Variants in RNF138 observed in about 807,000 individuals in gnomAD.
The protein encoded by RNF138 is ring finger protein 138, also known as E3 ubiquitin-protein ligase RNF138.
A neutral mutation model predicts 31.0 loss-of-function variants in RNF138; 12 were observed. The ratio of observed to expected loss-of-function variants is 0.39; its 90% CI spans 0.25 to 0.63. RNF138 has a LOEUF of 0.63. Ranked by LOEUF, RNF138 falls within the 20% of genes least tolerant of loss-of-function variation. The pLI is 0.52. For synonymous variants in RNF138, 105 were observed against 99.5 expected, an observed-to-expected ratio of 1.06 and a Z score of -0.33; for missense variants, 192 against 300.1, an observed-to-expected ratio of 0.64 and a Z score of 2.66.
chr18:32,098,815 T>G (rs1019714803), intron 2 of RNF138, among the ~76,000 whole-genome samples: 4 of 145,100 alleles, frequency 2.8e-5, no homozygotes, highest in Non-Finnish European at 6.0e-5. Flanking sequence ...ATGGTGCCAC[T>G]GCACTCCAGC....
At chr18:32,108,279 C>T (rs2040070026) in intron 2 of RNF138, among the ~76,000 whole-genome samples, 1 of 152,166 alleles carries the variant, frequency 6.6e-6, no homozygotes, top group Non-Finnish European at 1.5e-5. Flanking sequence ...CTATGTCAAG[C>T]AACAGATTAT....
chr18:32,128,689 A>C (rs2040423647), intron 7 of RNF138, among the ~76,000 whole-genome samples: 1 of 151,932 alleles, frequency 6.6e-6, no homozygotes, highest in Admixed American at 6.6e-5. Flanking sequence ...TTTTATTTTT[A>C]TTTTTTAAAG....
At chr18:32,127,926 A>G (rs2040408199) in intron 7 of RNF138, among the ~76,000 whole-genome samples, 1 of 152,160 alleles carries the variant, frequency 6.6e-6, no homozygotes. Flanking sequence ...TAAAAATACA[A>G]AAAGTTAGCC....
At chr18:32,111,152 C>T (rs16962691) in intron 2 of RNF138, among the ~76,000 whole-genome samples, 2,329 of 152,292 alleles carry the variant, frequency 0.015, 62 homozygotes, top group African/African-American at 0.053. Flanking sequence ...TCCCTACTTC[C>T]GGACCAAATA....
At chr18:32,098,671 T>C (rs1037240311) in intron 2 of RNF138, among the ~76,000 whole-genome samples, 9 of 151,836 alleles carry the variant, frequency 5.9e-5, no homozygotes, top group African/African-American at 2.2e-4. Flanking sequence ...GCTAACACAG[T>C]GAAACCCTGT....
chr18:32,117,444 G>T (rs1403287264), intron 4 of RNF138, among the ~76,000 whole-genome samples: 1 of 152,112 alleles, frequency 6.6e-6, no homozygotes, highest in Non-Finnish European at 1.5e-5. Context: ...ACCTGAAGAA[G>T]AGAGCTGAAT....
At chr18:32,111,569 C>T (rs2040130936) in intron 2 of RNF138, among the ~76,000 whole-genome samples, 185 bp from the exon 3 acceptor site, 1 of 152,080 alleles carries the variant, frequency 6.6e-6, no homozygotes, top group Non-Finnish European at 1.5e-5. Context: ...CCCATCTAGT[C>T]CAGTTATCAG....
At chr18:32,110,717 G>A (rs1318130530) in intron 2 of RNF138, among the ~76,000 whole-genome samples, 1 of 152,124 alleles carries the variant, frequency 6.6e-6, no homozygotes, top group African/African-American at 2.4e-5. Flanking sequence ...AAGGTATTTG[G>A]TGGGGCTAGA....
rs766714253 is a variant in RNF138, at chr18:32,111,887, T to C, written c.244T>C (p.Phe82Leu). Residue 82 changes from phenylalanine (F) to leucine (L), a missense_variant, in exon 3 of 8, where the codon TTT becomes CTT. By Grantham distance (22) the Phe-to-Leu change is conservative. Around this residue, in one of 2 missense-constraint regions of RNF138, gnomAD observed 140 missense variants for 251.7 expected, o/e 0.56. Transcript: ENST00000261593. ...ALDLENIMRK[F>L]SGSCRCCAKQ... ...AGACCTTGAAAATATAATGAGGAAG[T>C]TTTCTGGTAGCTGCAGATGCTGTGC... The C allele has an allele frequency of 6.8e-6, 11 of 1,612,956 alleles. No individual in the cohort carries two copies. In the South Asian group the frequency reaches 1.2e-4, roughly 18 times the overall value.
chr18:32,121,133 CA>C (rs200622689), intron 4 of RNF138, among the ~76,000 whole-genome samples: 3 of 76,384 alleles, frequency 3.9e-5, no homozygotes, highest in Non-Finnish European at 7.9e-5. Flanking sequence ...GAGACTGTCT[CA>C]AAAAAAAACA....
intron 2 of RNF138, among the ~76,000 whole-genome samples, chr18:32,097,703 A>G (rs994036462): frequency 6.6e-6 from 1 of 151,884 alleles, no homozygotes; most frequent in East Asian, 1.9e-4. Flanking sequence ...TTGTATTTTT[A>G]GTAGAGATGA....
At chr18:32,125,791 A>G (rs1006115489) in intron 6 of RNF138, among the ~76,000 whole-genome samples, 11 of 152,122 alleles carry the variant, frequency 7.2e-5, no homozygotes, top group African/African-American at 2.6e-4. Flanking sequence ...AATAAAAAGA[A>G]TATGCTTCAA....
Position 32,096,185 on chromosome 18 carries a change from C to T in RNF138, c.110+3299C>T, listed in dbSNP as rs113092348. Among the ~76,000 whole-genome samples the T allele has an allele frequency of 1.6e-3, 250 of 152,272 alleles. 2 individuals carry two copies. The highest frequency in any genetic ancestry group is 5.9e-3 in the African/African-American group (245 of 41,532). ...AGATAACCTAATGAATAATACTAGACCTAGTAAATAATTTTTGGCAGGGGA... is the reference window on the plus strand; with the variant it reads ...AGATAACCTAATGAATAATACTAGATCTAGTAAATAATTTTTGGCAGGGGA... On this transcript the variant is annotated intron_variant, in intron 2 of 7. Coordinates refer to ENST00000261593, the MANE Select transcript of RNF138 (RefSeq NM_016271.5).
At chr18:32,096,013 A>T (rs1438776729) in intron 2 of RNF138, among the ~76,000 whole-genome samples, 1 of 152,192 alleles carries the variant, frequency 6.6e-6, no homozygotes, top group Non-Finnish European at 1.5e-5. Flanking sequence ...GCCAGAGTCA[A>T]GGAGGGTACA....
At chr18:32,106,390 A>G (rs1330426536) in intron 2 of RNF138, among the ~76,000 whole-genome samples, 3 of 152,182 alleles carry the variant, frequency 2.0e-5, no homozygotes, top group Admixed American at 6.5e-5. Context: ...TCTAGGTTAT[A>G]AATCATTTCT....
At chr18:32,097,593 C>T (rs1397518889) in intron 2 of RNF138, among the ~76,000 whole-genome samples, 1 of 151,876 alleles carries the variant, frequency 6.6e-6, no homozygotes, top group Non-Finnish European at 1.5e-5. Flanking sequence ...AAGCGATTCT[C>T]CTGCCTCGTC....
At chr18:32,100,158 A>G (rs2039900007) in intron 2 of RNF138, among the ~76,000 whole-genome samples, 1 of 152,042 alleles carries the variant, frequency 6.6e-6, no homozygotes, top group Non-Finnish European at 1.5e-5. Flanking sequence ...AAGAGCAAAT[A>G]GATAGGATCC....
Position 32,107,953 on chromosome 18 carries a change from C to T in RNF138, c.111-3801C>T, listed in dbSNP as rs558419954. Among the ~76,000 whole-genome samples, 574 of 152,168 alleles carry T rather than the reference C, an allele frequency of 3.8e-3. 4 individuals carry two copies. The highest frequency in any genetic ancestry group is 0.013 in the African/African-American group (555 of 41,514). ...CACTGCAAGCTCCACCTCCCAGGTACGAGTGATTCTCCTGCCTTAGCCTCC... is the reference window on the plus strand; with the variant it reads ...CACTGCAAGCTCCACCTCCCAGGTATGAGTGATTCTCCTGCCTTAGCCTCC... On this transcript the variant is annotated intron_variant, in intron 2 of 7. Transcript: ENST00000261593.
At chr18:32,092,613 CG>C (rs920345327) in intron 1 of RNF138, 86 bp from the exon 2 acceptor site, 7 of 599,502 alleles carry the variant, frequency 1.2e-5, no homozygotes, top group Middle Eastern at 3.9e-4. Context: ...TCTCTGCGTT[CG>C]GCCCCGCCCT....
Sources: allele counts gnomAD v4.1 joint callset (sites outside exome capture counted in the v4.1 genomes callset), GRCh38; gene constraint gnomAD v4.1.1; regional missense constraint gnomAD v4.1.1; transcripts MANE v1.5; gene names NCBI Gene and HGNC (gene_info 2026-07-23, HGNC 2026-07-21).